Variants in ABHD2 observed in about 807,000 individuals in gnomAD.
ABHD2 encodes the protein monoacylglycerol lipase ABHD2.
In ABHD2, 20 loss-of-function variants were observed where a neutral mutation model predicts 48.1. That is an observed-to-expected ratio of 0.42 (90% CI 0.29 to 0.60). The LOEUF (loss-of-function observed/expected upper bound fraction) is 0.60. Among genes scored for constraint, ABHD2 ranks in the 20% least tolerant of loss-of-function variants. The pLI, the probability that ABHD2 is intolerant of heterozygous loss-of-function variation, is 0.24. For synonymous variants in ABHD2, 209 were observed against 214.2 expected (o/e 0.98, Z 0.21); for missense variants, 405 against 550.9 (o/e 0.74, Z 2.65).
At chr15:89,062,312 C>A in the ABHD2 span, among the ~76,000 whole-genome samples, 2 of 151,234 alleles carry the variant, frequency 1.3e-5, no homozygotes, top group African/African-American at 4.9e-5. Context: ...ATGTACCCTA[C>A]AGGTAAGACT....
chr15:89,049,320 T>C, the ABHD2 span, among the ~76,000 whole-genome samples: 19 of 152,222 alleles, frequency 1.2e-4, no homozygotes, highest in South Asian at 2.1e-4. Flanking sequence ...TTTAAGTCTG[T>C]AGAGGTTACT....
the ABHD2 span, among the ~76,000 whole-genome samples, chr15:89,068,438 T>C: frequency 5.3e-5 from 8 of 152,140 alleles, no homozygotes; most frequent in African/African-American, 1.9e-4. Flanking sequence ...GACTCAACAA[T>C]TGGGGGCTAG....
chr15:89,099,485 T>G (rs760859807), intron 1 of ABHD2, among the ~76,000 whole-genome samples: 1 of 152,212 alleles, frequency 6.6e-6, no homozygotes, highest in Admixed American at 6.5e-5. Context: ...TGGTGGCACA[T>G]ACCTGCAGTC....
At chr15:89,162,805 A>G (rs995812472) in intron 5 of ABHD2, among the ~76,000 whole-genome samples, 1 of 152,106 alleles carries the variant, frequency 6.6e-6, no homozygotes, top group Non-Finnish European at 1.5e-5. Context: ...TTATATGGCT[A>G]TCATCTGTCT....
upstream of ABHD2, chr15:89,087,403 G>T (rs1408528897): frequency 6.6e-6 from 1 of 152,236 alleles, no homozygotes; most frequent in Non-Finnish European, 1.5e-5. The surrounding 1 kb of genome is among the most constrained non-coding windows in gnomAD (Gnocchi z 5.5). Flanking sequence ...GCCCTACAGG[G>T]GTTGCATTTC....
intron 1 of ABHD2, among the ~76,000 whole-genome samples, chr15:89,095,619 A>G (rs1211077719): frequency 3.3e-5 from 5 of 152,204 alleles, no homozygotes; most frequent in South Asian, 4.1e-4. Context: ...TACTAAATCC[A>G]TGATTTGGTA....
Position 89,116,311 on chromosome 15 carries a change from C to T in ABHD2, c.-6-11C>T, listed in dbSNP as rs762901368. The T allele has an allele frequency of 9.3e-6, 15 of 1,609,526 alleles. No individual in the cohort carries two copies. The East Asian group carries it at 3.3e-4, about 36-fold the overall frequency. On this transcript the variant is annotated splice_polypyrimidine_tract_variant and intron_variant, in intron 2 of 10. Coordinates refer to ENST00000352732, the MANE Select transcript of ABHD2 (RefSeq NM_152924.5). The surrounding 1 kb of genome is among the most constrained non-coding windows in gnomAD (Gnocchi z 4.6). ...TGCTTGTAAACTTAGACCTGTGCCT[C>T]TGCTCCCCAGATCAAGATGAATGCC...
intron 1 of ABHD2, among the ~76,000 whole-genome samples, chr15:89,089,596 A>G (rs1287333292): frequency 6.6e-6 from 1 of 152,198 alleles, no homozygotes; most frequent in Non-Finnish European, 1.5e-5. Context: ...ATCCAAAGGC[A>G]TGTTCCAAGA....
intron 3 of ABHD2, among the ~76,000 whole-genome samples, chr15:89,122,044 G>C (rs1168431337): frequency 6.6e-6 from 1 of 152,100 alleles, no homozygotes; most frequent in South Asian, 2.1e-4. Flanking sequence ...TGCCCAGTCT[G>C]GTCTCAAACT....
chr15:89,157,120 G>C lies in ABHD2; in HGVS notation c.538+1586G>C, dbSNP rs115250770. Among the ~76,000 whole-genome samples, 1,127 of 152,218 alleles carry C rather than the reference G, an allele frequency of 7.4e-3. 11 individuals are homozygous for C. Among genetic ancestry groups the C allele is most frequent in the African/African-American group, 0.026 (1,089 of 41,526 alleles). ...ACATTGCTGTTACTACTCTGTTATAGTTTATTTAACCATTTATCTTTGTAG... is the reference window on the plus strand; with the variant it reads ...ACATTGCTGTTACTACTCTGTTATACTTTATTTAACCATTTATCTTTGTAG... On this transcript the variant is annotated intron_variant, in intron 5 of 10. Transcript: ENST00000352732.
In ABHD2 at chr15:89,127,706, CATATATATATATACACATATAT is replaced by C. The variant is rs915553345; in HGVS notation, c.194+11198_194+11219del. Reference sequence around the variant, plus strand: ...TCTTCTCAGTGAATATATATATATACATATATATATATACACATATATATATATATATATGTATATTTTAAAA... The same window carrying C: ...TCTTCTCAGTGAATATATATATATACATATATATATATGTATATTTTAAAA... On this transcript the variant is annotated intron_variant, in intron 3 of 10. Transcript: ENST00000352732. Among the ~76,000 whole-genome samples, 6 of 129,902 alleles carry C rather than the reference CATATATATATATACACATATAT, an allele frequency of 4.6e-5. 1 individual carries two copies. The highest frequency in any genetic ancestry group is 2.1e-4 in the African/African-American group (6 of 27,944). The allele number at this position is 129,902 out of a possible 152,430, so 85.2% of individuals were successfully genotyped here.
rs957629945 is a variant in ABHD2, at chr15:89,199,910, G to A, written c.*4487G>A. On this transcript the variant is annotated 3_prime_UTR_variant, in exon 11 of 11. Transcript: ENST00000352732. The surrounding 1 kb of genome is among the most constrained non-coding windows in gnomAD (Gnocchi z 4.1). ...AGGAAGGGGAATCTGGCCCCTGCTG[G>A]GAGAGGGAACTGGAATGCCACACAA... is the stretch of plus-strand genomic sequence containing the variant. The A allele has an allele frequency of 2.6e-5, 4 of 152,402 alleles. No individual in the cohort carries two copies. Among genetic ancestry groups the A allele is most frequent in the African/African-American group, 9.7e-5 (4 of 41,358 alleles). The allele number at this position is 152,402 out of a possible 1,614,324, so 9.4% of individuals were successfully genotyped here.
intron 3 of ABHD2, among the ~76,000 whole-genome samples, chr15:89,128,398 G>T (rs1471883086): frequency 6.6e-6 from 1 of 152,190 alleles, no homozygotes; most frequent in Non-Finnish European, 1.5e-5. Flanking sequence ...TTGTCCTTTT[G>T]TCCTGTGGGC....
At chr15:89,142,664 C>T (rs565308803) in intron 3 of ABHD2, among the ~76,000 whole-genome samples, 1 of 152,322 alleles carries the variant, frequency 6.6e-6, no homozygotes, top group African/African-American at 2.4e-5. Flanking sequence ...CGGAGCTCCT[C>T]AGCAAGTGGC....
Position 89,201,773 on chromosome 15 carries a change from C to T in ABHD2, c.*6350C>T. ...GGTCGAGGACCAGGATCTGCTCGTG[C>T]TTCGCCGTGGCCCCGGAGGCAGACG... On this transcript the variant is annotated 3_prime_UTR_variant, in exon 11 of 11. Transcript: ENST00000352732. 2 of 1,510,166 alleles carry T rather than the reference C, an allele frequency of 1.3e-6. No homozygotes were observed. Among genetic ancestry groups the T allele is most frequent in the Non-Finnish European group, 1.8e-6 (2 of 1,087,408 alleles). 93.5% of individuals were successfully genotyped at this position (1,510,166 alleles called of 1,614,324 possible).
chr15:89,176,070 T>A lies in ABHD2; in HGVS notation c.722+75T>A. The A allele has an allele frequency of 1.4e-6, 2 of 1,434,170 alleles. No homozygotes were observed. The highest frequency in any genetic ancestry group is 1.9e-6 in the Non-Finnish European group (2 of 1,062,736). The allele number at this position is 1,434,170 out of a possible 1,614,324, so 88.8% of individuals were successfully genotyped here. On this transcript the variant is annotated intron_variant, in intron 6 of 10. Transcript: ENST00000352732. The surrounding 1 kb of genome is among the most constrained non-coding windows in gnomAD (Gnocchi z 4.5). ...AGAGATGCCCCGACGCACAACACAC[T>A]GTTCTGTGAAGACCGGGGAACACTG... is the stretch of plus-strand genomic sequence containing the variant.
the ABHD2 span, among the ~76,000 whole-genome samples, chr15:89,046,830 G>C: frequency 6.6e-6 from 1 of 151,694 alleles, no homozygotes; most frequent in Non-Finnish European, 1.5e-5. Context: ...CAATTTTGTT[G>C]ATCCTTTCAA....
At chr15:89,170,526 ATGTT>A (rs2050908356) in intron 5 of ABHD2, among the ~76,000 whole-genome samples, 1 of 152,166 alleles carries the variant, frequency 6.6e-6, no homozygotes, top group Non-Finnish European at 1.5e-5. Context: ...TTGCATGTAC[ATGTT>A]TACATACATA....
the ABHD2 span, among the ~76,000 whole-genome samples, chr15:89,052,033 G>C: frequency 6.6e-6 from 1 of 152,158 alleles, no homozygotes; most frequent in Non-Finnish European, 1.5e-5. Context: ...TCAGTCGTTT[G>C]GAATTTGGAA....
Sources: allele counts gnomAD v4.1 joint callset (sites outside exome capture counted in the v4.1 genomes callset), GRCh38; gene constraint gnomAD v4.1.1; non-coding constraint Gnocchi (gnomAD v3.1); transcripts MANE v1.5; gene names NCBI Gene and HGNC (gene_info 2026-07-23, HGNC 2026-07-21).